Variants in XPO5 observed in about 807,000 individuals in gnomAD.
XPO5 encodes the protein exportin-5.
XPO5 carries 46 observed loss-of-function variants against 160.6 expected under a neutral mutation model. That is an observed-to-expected ratio of 0.29 (90% CI 0.23 to 0.37). XPO5 has a LOEUF of 0.37. XPO5 is among the 10% of genes least tolerant of loss of function. The pLI is 1.00. For synonymous variants in XPO5, 537 were observed against 519.3 expected (o/e 1.03, Z -0.46); for missense variants, 1,090 against 1,463.9 (o/e 0.74, Z 4.17).
Position 43,570,521 on chromosome 6 carries a change from A to C in XPO5, c.602T>G (p.Val201Gly). Reference sequence around the variant, plus strand: ...CCTTACCACTTGCTGATACTTGTTTACATTTTCTTGAAGTGTGTTAAGCAG... The same window carrying C: ...CCTTACCACTTGCTGATACTTGTTTCCATTTTCTTGAAGTGTGTTAAGCAG... Reference protein sequence around the residue: ...SFLLNTLQENVNKYQQVKTDT... With the variant: ...SFLLNTLQENGNKYQQVKTDT... Residue 201 changes from valine (V) to glycine (G), a missense_variant, in exon 5 of 32, where the codon GTA becomes GGA. Coordinates refer to ENST00000265351, the MANE Select transcript of XPO5 (RefSeq NM_020750.3). 1 of 1,613,398 alleles carries C rather than the reference A, an allele frequency of 6.2e-7. No individual in the cohort carries two copies. Among genetic ancestry groups the C allele is most frequent in the African/African-American group, 1.3e-5 (1 of 75,002 alleles).
intron 21 of XPO5, chr6:43,533,263 C>CACA (rs1210131906): frequency 6.9e-6 from 1 of 145,172 alleles, no homozygotes; most frequent in Non-Finnish European, 1.5e-5. Context: ...CACACACACA[C>CACA]GAGGAGGCAG....
At chr6:43,532,005 T>A (rs1794020346) in intron 21 of XPO5, among the ~76,000 whole-genome samples, 1 of 152,222 alleles carries the variant, frequency 6.6e-6, no homozygotes, top group Non-Finnish European at 1.5e-5. Flanking sequence ...TCTATATTTT[T>A]AAGTGTAATC....
chr6:43,527,874 T>C, intron 25 of XPO5, 143 bp from the exon 26 acceptor site: 1 of 804,454 alleles, frequency 1.2e-6, no homozygotes, highest in Non-Finnish European at 2.0e-6. Context: ...TGGACAGCAG[T>C]GATCCACTGA....
intron 28 of XPO5, 163 bp downstream of exon 28, chr6:43,525,676 T>C (rs1582192158): frequency 1.5e-6 from 1 of 686,974 alleles, no homozygotes. Flanking sequence ...CACCATGGCA[T>C]TGCACCTTTT....
At chr6:43,554,984 C>T (rs1761977001) in intron 13 of XPO5, 1 of 149,190 alleles carries the variant, frequency 6.7e-6, no homozygotes, top group Non-Finnish European at 1.5e-5. Flanking sequence ...TCTCGTTGCC[C>T]AGGCTGGAGT....
At chr6:43,543,164 T>G (rs1794786697) in intron 20 of XPO5, among the ~76,000 whole-genome samples, 1 of 152,120 alleles carries the variant, frequency 6.6e-6, no homozygotes, top group Non-Finnish European at 1.5e-5. Flanking sequence ...CTGGACAAAA[T>G]GTTAAAAGTC....
intron 14 of XPO5, among the ~76,000 whole-genome samples, chr6:43,552,171 C>T (rs112388870): frequency 0.033 from 4,976 of 152,190 alleles, 265 homozygotes; most frequent in African/African-American, 0.11. Flanking sequence ...GATTCTCCTG[C>T]CTCAGCCTCC....
rs778808255 is a variant in XPO5, at chr6:43,560,211, T to G, written c.1188A>C (p.Lys396Asn). Residue 396 changes from lysine (K) to asparagine (N), a missense_variant, in exon 11 of 32, where the codon AAA becomes AAC. Lys to Asn is a moderately conservative substitution (Grantham distance 94, BLOSUM62 0). This residue lies in a region of XPO5 where 810 missense variants were observed against 1,139.0 expected (regional missense o/e 0.71). Coordinates refer to ENST00000265351, the MANE Select transcript of XPO5 (RefSeq NM_020750.3). ...RDPLLLAIIP[K>N]YLRASMTNLV... ...AGTTAGTCATGGAAGCACGAAGATA[T>G]TTTGGTATTATTGCTAATAGCAAAG... The G allele has an allele frequency of 1.2e-5, 19 of 1,612,668 alleles. No homozygotes were observed. In the Admixed American group the frequency reaches 3.0e-4, roughly 26 times the overall value.
rs373443880 is a variant in XPO5 at position 43,567,118 on chromosome 6, C to G, written c.834+51G>C. 4.5e-6 allele frequency: 7 copies of G among 1,538,978 alleles called. No homozygotes were observed. The African/African-American group carries it at 9.6e-5, about 21-fold the overall frequency. ...GCCACAACATGCAATTAAACACATA[C>G]ACAGCCTACTTCAGAGACTGAGGAT... On this transcript the variant is annotated intron_variant, in intron 7 of 31. Transcript: ENST00000265351.
intron 1 of XPO5, among the ~76,000 whole-genome samples, chr6:43,574,952 A>G (rs561075752): frequency 6.6e-6 from 1 of 152,316 alleles, no homozygotes; most frequent in African/African-American, 2.4e-5. Flanking sequence ...TCACTTTAAA[A>G]ATGTACAGCA....
At chr6:43,540,263 A>G (rs1371374245) in intron 20 of XPO5, among the ~76,000 whole-genome samples, 1 of 152,152 alleles carries the variant, frequency 6.6e-6, no homozygotes, top group Admixed American at 6.5e-5. Flanking sequence ...GCGGATCACG[A>G]GGTCAGGAGA....
rs538262145 is a variant in XPO5 at position 43,531,433 on chromosome 6, T to C, written c.2540+46A>G. On this transcript the variant is annotated intron_variant, in intron 22 of 31. Coordinates refer to ENST00000265351, the MANE Select transcript of XPO5 (RefSeq NM_020750.3). ...CCAACCCATGGACATTCCTATACAA[T>C]ACATATCGAGGAAGAAAATATGGAG... The C allele has an allele frequency of 2.6e-5, 41 of 1,548,992 alleles. No individual in the cohort carries two copies. The South Asian group carries it at 3.9e-4, about 15-fold the overall frequency.
In XPO5 at chr6:43,546,566, C is replaced by A; in HGVS notation, c.2342+5G>T. 1 of 1,598,882 alleles carries A rather than the reference C, an allele frequency of 6.3e-7. No individual in the cohort carries two copies. Among genetic ancestry groups the A allele is most frequent in the Non-Finnish European group, 8.5e-7 (1 of 1,175,050 alleles). Reference sequence around the variant, plus strand: ...CAACAGAGAAAAGCCATTATTCTGACTCACCTTATAAGCGCAAGCAAATTG... The same window carrying A: ...CAACAGAGAAAAGCCATTATTCTGAATCACCTTATAAGCGCAAGCAAATTG... On this transcript the variant is annotated splice_donor_5th_base_variant and intron_variant, in intron 20 of 31. Transcript: ENST00000265351.
chr6:43,528,949 T>A (rs1404611690), intron 23 of XPO5, 24 bp from the exon 24 acceptor site: 1 of 1,602,198 alleles, frequency 6.2e-7, no homozygotes, highest in Admixed American at 1.7e-5. Flanking sequence ...TTAAGAAATT[T>A]TAGTGCATAG....
At chr6:43,546,249 A>G (rs1271479536) in intron 20 of XPO5, among the ~76,000 whole-genome samples, 1 of 152,216 alleles carries the variant, frequency 6.6e-6, no homozygotes, top group East Asian at 1.9e-4. Flanking sequence ...CAATTCCTTT[A>G]CTAAAAAATT....
chr6:43,533,788 T>C lies in XPO5; in HGVS notation c.2443+119A>G, dbSNP rs113293461. On this transcript the variant is annotated intron_variant, in intron 21 of 31. Coordinates refer to ENST00000265351, the MANE Select transcript of XPO5 (RefSeq NM_020750.3). ...AGTTTGAGCCTACAGTGAGCTATGG[T>C]TGCACCAGTGCACTCTAGCCTGGGT... The C allele has an allele frequency of 4.9e-6, 3 of 615,468 alleles. No individual in the cohort carries two copies. The South Asian group carries it at 5.6e-5, about 12-fold the overall frequency. 38.1% of individuals were successfully genotyped at this position (615,468 alleles called of 1,614,324 possible). A position where few individuals can be genotyped will look rare whatever the true frequency, so the allele number is the denominator to read the frequency against.
chr6:43,528,291 A>C, intron 24 of XPO5, 86 bp from the exon 25 acceptor site: 7 of 1,375,290 alleles, frequency 5.1e-6, no homozygotes, highest in Non-Finnish European at 7.1e-6. Flanking sequence ...CTTCATGATT[A>C]AAATTAGCCA....
chr6:43,543,668 A>T (rs1350666859), intron 20 of XPO5, among the ~76,000 whole-genome samples: 1 of 151,404 alleles, frequency 6.6e-6, no homozygotes, highest in African/African-American at 2.4e-5. Context: ...GATAAAATTT[A>T]TTTAATTTTT....
chr6:43,573,612 A>G lies in XPO5; in HGVS notation c.106-11T>C. 6.2e-7 allele frequency: 1 copy of G among 1,610,146 alleles called. No individual in the cohort carries two copies. Among genetic ancestry groups the G allele is most frequent in the Non-Finnish European group, 8.5e-7 (1 of 1,177,822 alleles). On this transcript the variant is annotated splice_polypyrimidine_tract_variant and intron_variant, in intron 1 of 31. Transcript: ENST00000265351. ...AAACTCCTCACAAAACTGAAAGAAG[A>G]AAAGTTAGTGTTTCCTTTCGAGGGC...
Sources: allele counts gnomAD v4.1 joint callset (sites outside exome capture counted in the v4.1 genomes callset), GRCh38; gene constraint gnomAD v4.1.1; regional missense constraint gnomAD v4.1.1; transcripts MANE v1.5; gene names NCBI Gene and HGNC (gene_info 2026-07-23, HGNC 2026-07-21).